Variants in ATE1 observed in about 807,000 individuals in gnomAD.
ATE1 encodes arginyltransferase 1, also known as arginyl-tRNA--protein transferase 1.
In ATE1, 36 loss-of-function variants were observed where a neutral mutation model predicts 70.5. That is an observed-to-expected ratio of 0.51 (90% CI 0.39 to 0.67). ATE1 has a LOEUF of 0.67. ATE1 is among the 30% of genes least tolerant of loss of function. The pLI, the probability that ATE1 is intolerant of heterozygous loss-of-function variation, is 0.00. For missense variants in ATE1, 593 were observed against 629.5 expected, an observed-to-expected ratio of 0.94 and a Z score of 0.62; for synonymous variants, 232 against 219.3, an observed-to-expected ratio of 1.06 and a Z score of -0.51.
At chr10:121,884,225 T>C (rs1950312501) in intron 7 of ATE1, among the ~76,000 whole-genome samples, 1 of 151,306 alleles carries the variant, frequency 6.6e-6, no homozygotes, top group Non-Finnish European at 1.5e-5. Context: ...TTCATCTATA[T>C]AATCCTAAAA....
intron 11 of ATE1, among the ~76,000 whole-genome samples, chr10:121,770,211 A>G (rs904072379): frequency 6.8e-6 from 1 of 147,456 alleles, no homozygotes; most frequent in Non-Finnish European, 1.5e-5. Flanking sequence ...TGATACACTA[A>G]GAATAAGAAA....
At chr10:121,804,962 C>T (rs1369627250) in intron 10 of ATE1, among the ~76,000 whole-genome samples, 1 of 152,082 alleles carries the variant, frequency 6.6e-6, no homozygotes, top group Non-Finnish European at 1.5e-5. Context: ...CTGCAGACTC[C>T]ACTGTGTGTT....
chr10:121,848,235 A>G (rs924390417), intron 8 of ATE1, among the ~76,000 whole-genome samples: 2 of 152,174 alleles, frequency 1.3e-5, no homozygotes, highest in African/African-American at 4.8e-5. Flanking sequence ...AAATTCTTCC[A>G]TAACTTCAAT....
At chr10:121,816,279 G>A (rs1947538415) in intron 10 of ATE1, among the ~76,000 whole-genome samples, 1 of 152,056 alleles carries the variant, frequency 6.6e-6, no homozygotes, top group Non-Finnish European at 1.5e-5. Context: ...TGTTTCAAGG[G>A]TGCTACATAT....
rs149818335 is a variant in ATE1 at position 121,779,655 on chromosome 10, T to C, written c.1378+10514A>G. On this transcript the variant is annotated intron_variant, in intron 11 of 11. Coordinates refer to ENST00000224652, the MANE Select transcript of ATE1 (RefSeq NM_001001976.3). ...AAGAAAGAAGAAAGATCTTTACTCT[T>C]TCCTTTCCCTGACCTCCCTCAGCTT... Among the ~76,000 whole-genome samples, 125 of 152,118 alleles carry C rather than the reference T, an allele frequency of 8.2e-4. No homozygotes were observed. In the East Asian group the frequency reaches 0.021, roughly 25 times the overall value.
chr10:121,904,673 AG>A (rs1280533848), intron 5 of ATE1, among the ~76,000 whole-genome samples: 1 of 147,728 alleles, frequency 6.8e-6, no homozygotes, highest in African/African-American at 2.5e-5. Context: ...ATCCCAAAAC[AG>A]GGTACTCACA....
intron 10 of ATE1, among the ~76,000 whole-genome samples, chr10:121,830,494 TC>T (rs1264868102): frequency 1.3e-5 from 2 of 152,140 alleles, no homozygotes; most frequent in Non-Finnish European, 1.5e-5. Context: ...CCTTGGACTT[TC>T]CCGTCACCAA....
intron 8 of ATE1, among the ~76,000 whole-genome samples, chr10:121,863,403 G>A (rs912238718): frequency 4.6e-5 from 7 of 151,632 alleles, no homozygotes; most frequent in Non-Finnish European, 7.4e-5. Context: ...ACAGGCGCCC[G>A]CCACCACACC....
At chr10:121,816,485 A>G (rs1947547177) in intron 10 of ATE1, among the ~76,000 whole-genome samples, 1 of 152,038 alleles carries the variant, frequency 6.6e-6, no homozygotes, top group African/African-American at 2.4e-5. Flanking sequence ...GGCCCCTTTC[A>G]CTCTTCCACC....
At chr10:121,774,913 C>G (rs1204176727) in intron 11 of ATE1, among the ~76,000 whole-genome samples, 1 of 152,136 alleles carries the variant, frequency 6.6e-6, no homozygotes, top group African/African-American at 2.4e-5. Context: ...GCATCTTTGA[C>G]TATATTACAA....
intron 10 of ATE1, among the ~76,000 whole-genome samples, chr10:121,816,124 G>A (rs1301903624): frequency 6.6e-6 from 1 of 151,922 alleles, no homozygotes; most frequent in Non-Finnish European, 1.5e-5. Flanking sequence ...CAAATTGATG[G>A]TATTTTGTTA....
chr10:121,920,575 A>G (rs1485300087), intron 3 of ATE1, among the ~76,000 whole-genome samples: 2 of 152,048 alleles, frequency 1.3e-5, no homozygotes, highest in African/African-American at 4.8e-5. Flanking sequence ...TAACCAGAAT[A>G]AGAGAGAAGA....
At chr10:121,906,452 T>C (rs4603238) in intron 5 of ATE1, among the ~76,000 whole-genome samples, 65,371 of 151,640 alleles carry the variant, frequency 0.43, 15,283 homozygotes, top group South Asian at 0.53. Context: ...TTGCTTGAGC[T>C]TAGGAAGTCA....
chr10:121,906,840 C>T (rs897230768), intron 5 of ATE1, among the ~76,000 whole-genome samples: 1 of 152,102 alleles, frequency 6.6e-6, no homozygotes, highest in East Asian at 1.9e-4. Context: ...CTCAGGTGAT[C>T]CGCCTGTCTC....
intron 11 of ATE1, among the ~76,000 whole-genome samples, chr10:121,770,078 C>T (rs1014010456): frequency 6.6e-6 from 1 of 152,052 alleles, no homozygotes; most frequent in African/African-American, 2.4e-5. Flanking sequence ...TGGTAACAGT[C>T]CTAAACTGAA....
At chr10:121,769,529 T>C (rs956661365) in intron 11 of ATE1, among the ~76,000 whole-genome samples, 2 of 152,078 alleles carry the variant, frequency 1.3e-5, no homozygotes, top group Non-Finnish European at 2.9e-5. Context: ...GCATGATGCA[T>C]AAAAAAATTT....
rs918703090 is a variant in ATE1, at chr10:121,762,000, C to G, written c.1379-18142G>C. On this transcript the variant is annotated intron_variant, in intron 11 of 11. Coordinates refer to ENST00000224652, the MANE Select transcript of ATE1 (RefSeq NM_001001976.3). Reference sequence around the variant, plus strand: ...GCCATTCCCTCATCTCCCACTCACTCTACAATCTATTTTAAAGTGTATCTT... The same window carrying G: ...GCCATTCCCTCATCTCCCACTCACTGTACAATCTATTTTAAAGTGTATCTT... Among the ~76,000 whole-genome samples the G allele has an allele frequency of 7.2e-5, 11 of 152,282 alleles. No homozygotes were observed. The South Asian group carries it at 1.0e-3, about 14-fold the overall frequency.
intron 7 of ATE1, among the ~76,000 whole-genome samples, chr10:121,880,973 T>C (rs115165083): frequency 0.016 from 2,422 of 152,314 alleles, 59 homozygotes; most frequent in African/African-American, 0.056. Flanking sequence ...CACATGAGCT[T>C]TGCACTCACT....
chr10:121,807,350 C>T (rs1448977947), intron 10 of ATE1, among the ~76,000 whole-genome samples: 2 of 152,132 alleles, frequency 1.3e-5, no homozygotes, highest in African/African-American at 2.4e-5. Context: ...CAAACAATCG[C>T]CATTACATTT....
Sources: gnomAD v4.1 joint callset for allele counts (sites outside exome capture counted in the v4.1 genomes callset) on GRCh38, gnomAD v4.1.1 for gene constraint, MANE v1.5 for transcripts, NCBI Gene and HGNC (gene_info 2026-07-23, HGNC 2026-07-21) for gene names.